ULK1: variants seen among roughly 807,000 people sequenced by gnomAD.
ULK1 encodes the protein unc-51 like autophagy activating kinase 1, also known as serine/threonine-protein kinase ULK1.
ULK1 carries 48 observed loss-of-function variants against 117.5 expected under a neutral mutation model. That is an observed-to-expected ratio of 0.41 (90% CI 0.32 to 0.52). ULK1 has a LOEUF of 0.52. ULK1 is among the 20% of genes least tolerant of loss of function. The pLI is 0.29. For missense variants in ULK1, 1,387 were observed against 1,473.4 expected (o/e 0.94, Z 0.96); for synonymous variants, 790 against 637.8 (o/e 1.24, Z -3.60).
At position 131,912,009 on chromosome 12, in the gene ULK1, A is replaced by G. The variant is rs1384149800; in HGVS notation, c.1016A>G (p.His339Arg). The G allele has an allele frequency of 8.7e-6, 14 of 1,612,782 alleles. No individual in the cohort carries two copies. The highest frequency in any genetic ancestry group is 1.2e-5 in the Non-Finnish European group (14 of 1,179,992). The change falls in exon 13 of 28, where the codon CAC becomes CGC. Residue 339 changes from histidine (H) to arginine (R), a missense_variant. His to Arg is a conservative substitution (Grantham distance 29). Coordinates refer to ENST00000321867, the MANE Select transcript of ULK1 (RefSeq NM_003565.4). The stretch of plus-strand genomic sequence containing the variant: ...CCGGCTGACACCGCTGGCTTCCTGC[A>G]CAGCTCCCGGGACTCTGGTGGCAGC... ...ASPADTAGFL[H>R]SSRDSGGSKD...
At chr12:131,895,493 C>T in intron 1 of ULK1, 108 bp from the exon 2 acceptor site, 2 of 948,938 alleles carry the variant, frequency 2.1e-6, no homozygotes, top group Non-Finnish European at 1.6e-6. Flanking sequence ...CTTCCAGTCC[C>T]GGGATTCCCA....
intron 14 of ULK1, 125 bp downstream of exon 14, chr12:131,913,383 C>G (rs902911214): frequency 1.5e-5 from 16 of 1,042,022 alleles, no homozygotes; most frequent in Non-Finnish European, 2.1e-5. Context: ...CAGAGCGAGA[C>G]TCTGTCTCAA....
At chr12:131,911,041 T>C (rs535100181) in intron 12 of ULK1, among the ~76,000 whole-genome samples, 8 of 152,196 alleles carry the variant, frequency 5.3e-5, no homozygotes, top group Non-Finnish European at 1.0e-4. Context: ...GTCCTGTCTT[T>C]GGTTTTGTGC....
At chr12:131,907,771 C>G (rs1482343091) in intron 5 of ULK1, among the ~76,000 whole-genome samples, 2 of 152,130 alleles carry the variant, frequency 1.3e-5, no homozygotes, top group African/African-American at 4.8e-5. Flanking sequence ...CAGCTGTGAC[C>G]AGAATAGCCC....
chr12:131,913,467 G>A (rs866407878), intron 14 of ULK1, among the ~76,000 whole-genome samples: 25 of 151,956 alleles, frequency 1.6e-4, no homozygotes, highest in East Asian at 7.7e-4. Context: ...AGGCCGAGGC[G>A]GATGGATCAC....
At position 131,919,692 on chromosome 12, in the gene ULK1, C is replaced by G. The variant is rs567298925; in HGVS notation, c.2803+102C>G. 4.1e-4 allele frequency: 574 copies of G among 1,383,510 alleles called. 1 individual carries two copies. In the East Asian group the frequency reaches 0.013, roughly 30 times the overall value. The allele number at this position is 1,383,510 out of a possible 1,614,324, so 85.7% of individuals were successfully genotyped here. A position where few individuals can be genotyped will look rare whatever the true frequency, so the allele number is the denominator to read the frequency against. ...AACAGGGAGGCTGCTTGAGTAGGCC[C>G]CTGTGCAGAGGTGCAGAGGCCCCGG... is the stretch of plus-strand genomic sequence containing the variant. On this transcript the variant is annotated intron_variant, in intron 25 of 27. Coordinates refer to ENST00000321867, the MANE Select transcript of ULK1 (RefSeq NM_003565.4).
chr12:131,911,728 G>A (rs1055285810), intron 12 of ULK1, among the ~76,000 whole-genome samples: 1 of 152,032 alleles, frequency 6.6e-6, no homozygotes, highest in Non-Finnish European at 1.5e-5. Context: ...CTCGTCGGGG[G>A]GCCTGTCCCT....
chr12:131,907,826 G>C (rs1004684264), intron 5 of ULK1, among the ~76,000 whole-genome samples: 2 of 152,116 alleles, frequency 1.3e-5, no homozygotes, highest in Non-Finnish European at 2.9e-5. Context: ...TGTCTTCATA[G>C]TGTGGCTGGA....
At chr12:131,916,853 G>C in intron 20 of ULK1, 100 bp from the exon 21 acceptor site, 1 of 1,153,110 alleles carries the variant, frequency 8.7e-7, no homozygotes, top group South Asian at 1.6e-5. Flanking sequence ...TGGGCCAGGA[G>C]ACCGTGCATC....
At chr12:131,913,390 TC>T in intron 14 of ULK1, 132 bp downstream of exon 14, 3 of 894,252 alleles carry the variant, frequency 3.4e-6, no homozygotes, top group South Asian at 2.8e-5. Flanking sequence ...AGACTCTGTC[TC>T]AAAAAAAAAA....
rs777466990 is a variant in ULK1 at position 131,921,882 on chromosome 12, C to T, written c.*521C>T. The T allele has an allele frequency of 8.7e-6, 4 of 458,426 alleles. No individual in the cohort carries two copies. Among genetic ancestry groups the T allele is most frequent in the South Asian group, 4.6e-5 (3 of 64,578 alleles). 28.4% of individuals were successfully genotyped at this position (458,426 alleles called of 1,614,324 possible). On this transcript the variant is annotated 3_prime_UTR_variant, in exon 28 of 28. Coordinates refer to ENST00000321867, the MANE Select transcript of ULK1 (RefSeq NM_003565.4). ...AGAACCTGGACCTCACCAGGGACTG[C>T]TGGGCAGCGATTCCTGGCAGTGGCC...
At chr12:131,918,990 G>A (rs368981956) in intron 23 of ULK1, among the ~76,000 whole-genome samples, 1 of 144,100 alleles carries the variant, frequency 6.9e-6, no homozygotes, top group East Asian at 2.1e-4. Context: ...GGTGTCGGGT[G>A]TGTGGGGTGC....
In ULK1 at chr12:131,915,894, C is replaced by T; in HGVS notation, c.1613C>T (p.Ser538Phe). The T allele has an allele frequency of 1.9e-6, 3 of 1,610,460 alleles. No individual in the cohort carries two copies. The highest frequency in any genetic ancestry group is 2.5e-6 in the Non-Finnish European group (3 of 1,179,792). The change falls in exon 19 of 28, where the codon TCC becomes TTC. Residue 538 changes from serine to phenylalanine, a missense_variant. Transcript: ENST00000321867. The part of the protein sequence containing the change: ...MRGGRSPRPG[S>F]SAPEHSPRTS... ...GACGAGGCGTGTCTCTCTCTAGGCT[C>T]CTCTGCACCCGAGCACTCTCCCCGC...
chr12:131,915,176 C>T lies in ULK1; in HGVS notation c.1467C>T (p.Val489=), dbSNP rs879046986. ...CTGCCCACGCTGAGCATGGAGGCGT[C>T]CTGGCCAGGAAGATGTCTCTGGGTG... is the stretch of plus-strand genomic sequence containing the variant. ...SPPAHAEHGG[V]LARKMSLGGG... The change falls in exon 17 of 28, where the codon GTC becomes GTT. Residue 489 remains valine (V), a synonymous_variant. Transcript: ENST00000321867. 22 of 1,602,472 alleles carry T rather than the reference C, an allele frequency of 1.4e-5. No homozygotes were observed. The highest frequency in any genetic ancestry group is 2.2e-5 in the East Asian group (1 of 44,606).
chr12:131,909,101 G>T, intron 7 of ULK1, 35 bp from the exon 8 acceptor site: 1 of 1,600,824 alleles, frequency 6.2e-7, no homozygotes, highest in East Asian at 2.3e-5. Flanking sequence ...TTGGCGTGCG[G>T]GGGCCTCACA....
chr12:131,918,226 G>A (rs1889948588), intron 22 of ULK1: 2 of 542,706 alleles, frequency 3.7e-6, no homozygotes, highest in African/African-American at 1.9e-5. Flanking sequence ...CTGGGCTGGG[G>A]GTCGGGATAC....
intron 2 of ULK1, 34 bp downstream of exon 2, chr12:131,895,727 G>A: frequency 6.2e-7 from 1 of 1,613,148 alleles, no homozygotes; most frequent in Non-Finnish European, 8.5e-7. Flanking sequence ...GCGTGGGCGT[G>A]GGCGTGGGCA....
At position 131,921,524 on chromosome 12, in the gene ULK1, G is replaced by A; in HGVS notation, c.*163G>A. The A allele has an allele frequency of 1.9e-6, 2 of 1,028,848 alleles. No homozygotes were observed. Among genetic ancestry groups the A allele is most frequent in the East Asian group, 2.4e-5 (1 of 41,606 alleles). 63.7% of individuals were successfully genotyped at this position (1,028,848 alleles called of 1,614,324 possible). ...CCTGCCGGCCTCCCTGCAGCTCACG[G>A]GGCAGAACCAGCACATCTGGAGCCA... On this transcript the variant is annotated 3_prime_UTR_variant, in exon 28 of 28. Transcript: ENST00000321867.
rs1340821718 is a variant in ULK1, at chr12:131,919,987, A to G, written c.2812A>G (p.Arg938Gly). 1 of 1,612,524 alleles carries G rather than the reference A, an allele frequency of 6.2e-7. No individual in the cohort carries two copies. ...ACCCTCGTCCTTTGCAGTGGTGCGC[A>G]GGCTGAATGAGCTGTACAAGGCCAG... ...LSSTVKQVVR[R>G]LNELYKASVV... The change falls in exon 26 of 28, where the codon AGG becomes GGG. Residue 938 changes from arginine (R) to glycine (G), a missense_variant. Arg to Gly is a moderately radical substitution (Grantham distance 125). Transcript: ENST00000321867.
Sources: gnomAD v4.1 joint callset for allele counts (sites outside exome capture counted in the v4.1 genomes callset) on GRCh38, gnomAD v4.1.1 for gene constraint, MANE v1.5 for transcripts, NCBI Gene and HGNC (gene_info 2026-07-23, HGNC 2026-07-21) for gene names.